PDE3A: variants seen among roughly 807,000 people sequenced by gnomAD.
The protein encoded by PDE3A is cGMP-inhibited 3',5'-cyclic phosphodiesterase 3A.
Under a neutral mutation model 98.3 loss-of-function variants are expected in PDE3A, and 43 were observed. The observed-to-expected ratio is 0.44, with a 90% CI of 0.34 to 0.56. PDE3A has a LOEUF of 0.56. Among genes scored for constraint, PDE3A ranks in the 20% least tolerant of loss-of-function variants. The pLI is 0.01. For synonymous variants in PDE3A, 663 were observed against 567.9 expected (o/e 1.17, Z -2.38); for missense variants, 1,427 against 1,440.7 (o/e 0.99, Z 0.15).
intron 1 of PDE3A, among the ~76,000 whole-genome samples, chr12:20,396,430 A>G (rs1944019741): frequency 6.6e-6 from 1 of 152,138 alleles, no homozygotes; most frequent in Admixed American, 6.6e-5. Flanking sequence ...AAAGTGCAGA[A>G]GAATTTAGAA....
intron 2 of PDE3A, among the ~76,000 whole-genome samples, chr12:20,592,153 C>T (rs921396877): frequency 6.6e-6 from 1 of 152,048 alleles, no homozygotes; most frequent in African/African-American, 2.4e-5. Flanking sequence ...TGATAAATTG[C>T]ATCTGTTTAA....
chr12:20,515,722 A>ATTTATTTATTTG (rs1946307806), intron 1 of PDE3A, among the ~76,000 whole-genome samples: 1 of 149,176 alleles, frequency 6.7e-6, no homozygotes, highest in Admixed American at 6.7e-5. Flanking sequence ...TTATTTATTT[A>ATTTATTTATTTG]TTTATTTATT....
Position 20,552,018 on chromosome 12 carries a change from G to A in PDE3A, c.961-4642G>A. The A allele has an allele frequency of 1.2e-6, 2 of 1,612,332 alleles. No homozygotes were observed. The highest frequency in any genetic ancestry group is 1.1e-5 in the South Asian group (1 of 91,004). ...ACGGAGCGTACTCCCTAGTCCTGGC[G>A]GGGGGCTACGAGGATGACGTGGACC... On this transcript the variant is annotated intron_variant, in intron 1 of 15. Coordinates refer to ENST00000359062, the MANE Select transcript of PDE3A (RefSeq NM_000921.5). The surrounding 1 kb of genome is among the most constrained non-coding windows in gnomAD (Gnocchi z 5.1).
chr12:20,443,193 T>C (rs1944898527), intron 1 of PDE3A, among the ~76,000 whole-genome samples: 2 of 152,152 alleles, frequency 1.3e-5, no homozygotes, highest in Non-Finnish European at 2.9e-5. Context: ...TTTTTATTTC[T>C]TTTTGCAAGA....
intron 1 of PDE3A, among the ~76,000 whole-genome samples, chr12:20,421,351 T>G (rs1944508364): frequency 1.3e-5 from 2 of 152,216 alleles, no homozygotes; most frequent in Admixed American, 1.3e-4. Context: ...ACTGTGACAA[T>G]CAAATAAATT....
At chr12:20,664,438 G>C (rs1223588808) in intron 15 of PDE3A, among the ~76,000 whole-genome samples, 1 of 152,102 alleles carries the variant, frequency 6.6e-6, no homozygotes, top group Non-Finnish European at 1.5e-5. Flanking sequence ...TCTCTACTCA[G>C]AGGTCTTCCA....
intron 1 of PDE3A, among the ~76,000 whole-genome samples, chr12:20,487,060 T>A (rs138431471): frequency 6.6e-6 from 1 of 152,224 alleles, no homozygotes; most frequent in South Asian, 2.1e-4. Flanking sequence ...AAATAATCAA[T>A]GCTTACTGAA....
chr12:20,629,926 C>T lies in PDE3A; in HGVS notation c.1559C>T (p.Ser520Leu). ...QSRPGALAKI[S>L]PLSSPCSSPL... The stretch of plus-strand genomic sequence containing the variant: ...TTCTCAGGTGCCCTCGCTAAAATTT[C>T]ACCTCTTTCATCGCCCTGCTCCTCA... Residue 520 changes from serine to leucine, a missense_variant, in exon 6 of 16, where the codon TCA becomes TTA. By Grantham distance (145) the Ser-to-Leu change is moderately radical (BLOSUM62 -2). This residue lies in a region of PDE3A where 1,012 missense variants were observed against 886.5 expected (regional missense o/e 1.14). Coordinates refer to ENST00000359062, the MANE Select transcript of PDE3A (RefSeq NM_000921.5). 6.2e-7 allele frequency: 1 copy of T among 1,613,824 alleles called. No homozygotes were observed. The highest frequency in any genetic ancestry group is 8.5e-7 in the Non-Finnish European group (1 of 1,179,766).
chr12:20,600,983 C>A (rs1319573040), intron 2 of PDE3A, among the ~76,000 whole-genome samples: 1 of 152,092 alleles, frequency 6.6e-6, no homozygotes, highest in East Asian at 1.9e-4. Flanking sequence ...GTTACTTATG[C>A]AGTCATCATT....
In PDE3A at chr12:20,368,949, T is replaced by A. The variant is rs998862879; in HGVS notation, c.-336T>A. Among the ~76,000 whole-genome samples, 11 of 151,966 alleles carry A rather than the reference T, an allele frequency of 7.2e-5. No homozygotes were observed. The highest frequency in any genetic ancestry group is 3.9e-4 in the Admixed American group (6 of 15,272). On this transcript the variant is annotated 5_prime_UTR_variant, in exon 1 of 16. Transcript: ENST00000359062. ...AAGTAGGAAGAGACCCCGGAGGATATAAGTCGGGGGTGGGGGTGGAGCAGA... is the reference window on the plus strand; with the variant it reads ...AAGTAGGAAGAGACCCCGGAGGATAAAAGTCGGGGGTGGGGGTGGAGCAGA...
In PDE3A at chr12:20,602,308, G is replaced by A. The variant is rs1265587560; in HGVS notation, c.1012-11135G>A. On this transcript the variant is annotated intron_variant, in intron 2 of 15. Coordinates refer to ENST00000359062, the MANE Select transcript of PDE3A (RefSeq NM_000921.5). ...GCTAAGGTTATCTTCTGAAAGATGCGGGTTCTTACTAGAGTAAGTGATGAA... is the reference window on the plus strand; with the variant it reads ...GCTAAGGTTATCTTCTGAAAGATGCAGGTTCTTACTAGAGTAAGTGATGAA... 2.0e-5 allele frequency among the ~76,000 whole-genome samples: 3 copies of A among 152,080 alleles called. No individual in the cohort carries two copies. The East Asian group carries it at 5.8e-4, about 29-fold the overall frequency.
intron 2 of PDE3A, among the ~76,000 whole-genome samples, chr12:20,588,053 C>T (rs1364688556): frequency 6.6e-6 from 1 of 152,176 alleles, no homozygotes; most frequent in African/African-American, 2.4e-5. Context: ...TCCTTTCCTT[C>T]TCCATAACTA....
intron 1 of PDE3A, among the ~76,000 whole-genome samples, chr12:20,403,704 G>A (rs969226753): frequency 1.1e-4 from 17 of 152,068 alleles, no homozygotes; most frequent in Admixed American, 2.0e-4. Context: ...CCTACATTTT[G>A]TCTTTTTTAT....
At chr12:20,663,887 T>C (rs1945242146) in intron 15 of PDE3A, among the ~76,000 whole-genome samples, 1 of 152,166 alleles carries the variant, frequency 6.6e-6, no homozygotes, top group African/African-American at 2.4e-5. Context: ...AGGGGCAGAA[T>C]AATATGATTT....
At chr12:20,370,806 T>TTTA (rs1463941248) in intron 1 of PDE3A, among the ~76,000 whole-genome samples, 1 of 152,174 alleles carries the variant, frequency 6.6e-6, no homozygotes, top group Non-Finnish European at 1.5e-5. Flanking sequence ...TGCAGTAAGT[T>TTTA]TTATTTGGAG....
At chr12:20,559,496 TA>T (rs1233832157) in intron 2 of PDE3A, among the ~76,000 whole-genome samples, 1 of 150,106 alleles carries the variant, frequency 6.7e-6, no homozygotes, top group Non-Finnish European at 1.5e-5. Context: ...ATAATGATAA[TA>T]ATAATAATAA....
At chr12:20,646,689 T>G (rs1944784985) in intron 11 of PDE3A, 62 bp from the exon 12 acceptor site, 2 of 1,428,108 alleles carry the variant, frequency 1.4e-6, no homozygotes, top group Middle Eastern at 3.5e-4. Context: ...AAGAAAGAAG[T>G]CAAGACAAAT....
intron 1 of PDE3A, among the ~76,000 whole-genome samples, chr12:20,384,408 A>G (rs1943713754): frequency 6.6e-6 from 1 of 151,916 alleles, no homozygotes; most frequent in Non-Finnish European, 1.5e-5. Context: ...AAATGTCTTT[A>G]TATTTTAAAA....
rs908897123 is a variant in PDE3A, at chr12:20,368,548, G to C, written c.-737G>C. 2.0e-5 allele frequency among the ~76,000 whole-genome samples: 3 copies of C among 150,736 alleles called. No homozygotes were observed. In the South Asian group the frequency reaches 6.3e-4, roughly 32 times the overall value. ...CTTCTGCGGCTGCCGCTAGTCTCTCGGTCTGGCTCTCTCTCCGACGGGACT... is the reference window on the plus strand; with the variant it reads ...CTTCTGCGGCTGCCGCTAGTCTCTCCGTCTGGCTCTCTCTCCGACGGGACT... On this transcript the variant is annotated 5_prime_UTR_variant, in exon 1 of 16. Transcript: ENST00000359062.
Sources: gnomAD v4.1 joint callset for allele counts (sites outside exome capture counted in the v4.1 genomes callset) on GRCh38, gnomAD v4.1.1 for gene constraint, gnomAD v4.1.1 regional missense constraint, Gnocchi (gnomAD v3.1) non-coding constraint, MANE v1.5 for transcripts, NCBI Gene and HGNC (gene_info 2026-07-23, HGNC 2026-07-21) for gene names.